PROSER2: variants seen among roughly 807,000 people sequenced by gnomAD.
PROSER2 encodes the protein proline and serine rich 2.
Under a neutral mutation model 14.6 loss-of-function variants are expected in PROSER2, and 18 were observed. That is an observed-to-expected ratio of 1.23 (90% CI 0.85 to 1.83). The LOEUF is 1.83. PROSER2 is among the 40% of genes most tolerant of loss of function. The pLI is 0.00. For missense variants in PROSER2, 823 were observed against 629.8 expected (o/e 1.31, Z -3.28); for synonymous variants, 367 against 286.4 (o/e 1.28, Z -2.84).
At chr10:11,835,479 T>A (rs1372318493) in intron 1 of PROSER2, among the ~76,000 whole-genome samples, 1 of 152,154 alleles carries the variant, frequency 6.6e-6, no homozygotes, top group Non-Finnish European at 1.5e-5. Flanking sequence ...GTCTAAGGGA[T>A]TGTTTTTGTT....
At chr10:11,833,954 G>A (rs1435044330) in intron 1 of PROSER2, among the ~76,000 whole-genome samples, 1 of 150,564 alleles carries the variant, frequency 6.6e-6, no homozygotes, top group Non-Finnish European at 1.5e-5. Flanking sequence ...GGGAGGCAGT[G>A]GGAAGGGGTT....
intron 2 of PROSER2, among the ~76,000 whole-genome samples, chr10:11,863,218 C>G (rs1172476982): frequency 6.6e-6 from 1 of 152,076 alleles, no homozygotes. Flanking sequence ...GTGTACTATG[C>G]TTTCAACTAT....
intron 1 of PROSER2, among the ~76,000 whole-genome samples, chr10:11,828,249 G>A (rs966041519): frequency 1.3e-5 from 2 of 150,884 alleles, no homozygotes; most frequent in African/African-American, 4.9e-5. Context: ...GGATTCTGGG[G>A]GTATTTCAAA....
intron 2 of PROSER2, among the ~76,000 whole-genome samples, chr10:11,859,484 T>C (rs940689582): frequency 6.6e-5 from 10 of 152,144 alleles, no homozygotes; most frequent in African/African-American, 1.4e-4. Context: ...CTGTCCGCCT[T>C]CTTCTACCTT....
rs1570695 is a variant in PROSER2, at chr10:11,856,503, G to A, written c.138+4288G>A. 6.6e-6 allele frequency among the ~76,000 whole-genome samples: 1 copy of A among 152,200 alleles called. No homozygotes were observed. The highest frequency in any genetic ancestry group is 2.4e-5 in the African/African-American group (1 of 41,454). ...GTTCTCAAGGAGTGGAGCTGGAACA[G>A]CATGGCTGCTTTTGTGAGGGTGGCT... On this transcript the variant is annotated intron_variant, in intron 2 of 3. Coordinates refer to ENST00000277570, the MANE Select transcript of PROSER2 (RefSeq NM_153256.4). This position sits in a 1 kb window ranked among gnomAD's most constrained non-coding sequence, Gnocchi z 5.3.
Position 11,837,004 on chromosome 10 carries a change from C to T in PROSER2, c.-82+13534C>T, listed in dbSNP as rs1171793274. The stretch of plus-strand genomic sequence containing the variant: ...TCCTGCATGCGAATCCTCCTTTGCC[C>T]GGAGTCCCCACCTGCCCATCACTTA... On this transcript the variant is annotated intron_variant, in intron 1 of 3. Transcript: ENST00000277570. The surrounding 1 kb of genome is among the most constrained non-coding windows in gnomAD (Gnocchi z 4.6). Among the ~76,000 whole-genome samples, 1 of 152,170 alleles carries T rather than the reference C, an allele frequency of 6.6e-6. No individual in the cohort carries two copies. Among genetic ancestry groups the T allele is most frequent in the East Asian group, 1.9e-4 (1 of 5,200 alleles).
At position 11,838,742 on chromosome 10, in the gene PROSER2, C is replaced by T. The variant is rs1425797610; in HGVS notation, c.-81-13255C>T. On this transcript the variant is annotated intron_variant, in intron 1 of 3. Transcript: ENST00000277570. This position sits in a 1 kb window ranked among gnomAD's most constrained non-coding sequence, Gnocchi z 4.4. ...TTTTAGCTTGCACTTTTTTTGTTCA[C>T]TAGTGAGGTTGAACATCTGTCTTGT... Among the ~76,000 whole-genome samples the T allele has an allele frequency of 6.6e-6, 1 of 152,180 alleles. No homozygotes were observed. The highest frequency in any genetic ancestry group is 1.9e-4 in the East Asian group (1 of 5,200).
chr10:11,861,732 T>C (rs551368427), intron 2 of PROSER2, among the ~76,000 whole-genome samples: 2 of 152,170 alleles, frequency 1.3e-5, no homozygotes, highest in East Asian at 1.9e-4. Flanking sequence ...CTTGGTAGAG[T>C]TGAGAAGCTG....
chr10:11,829,910 C>G (rs1833668865), intron 1 of PROSER2, among the ~76,000 whole-genome samples: 2 of 120,048 alleles, frequency 1.7e-5, no homozygotes, highest in African/African-American at 6.3e-5. Flanking sequence ...GTGGCAAGAT[C>G]TTGGCTCACC....
rs192132189 is a variant in PROSER2 at position 11,869,376 on chromosome 10, G to A, written c.392-114G>A. 38 of 726,388 alleles carry A rather than the reference G, an allele frequency of 5.2e-5. No homozygotes were observed. Among genetic ancestry groups the A allele is most frequent in the African/African-American group, 1.2e-4 (7 of 57,050 alleles). The allele number at this position is 726,388 out of a possible 1,614,324, so 45.0% of individuals were successfully genotyped here. On this transcript the variant is annotated intron_variant, in intron 3 of 3. Coordinates refer to ENST00000277570, the MANE Select transcript of PROSER2 (RefSeq NM_153256.4). The surrounding 1 kb of genome is among the most constrained non-coding windows in gnomAD (Gnocchi z 4.4). ...GAGGAGTTGACTCACAGGCAGCACC[G>A]GCGAAGTTGGTGTCAGGTCCAGGTT... is the stretch of plus-strand genomic sequence containing the variant.
intron 1 of PROSER2, among the ~76,000 whole-genome samples, chr10:11,831,117 A>T (rs7097549): frequency 0.2 from 31,113 of 152,214 alleles, 3,300 homozygotes; most frequent in Middle Eastern, 0.27. Context: ...CACGGCTGCC[A>T]GTCTAACCAG....
At chr10:11,832,301 A>AT (rs1833699491) in intron 1 of PROSER2, among the ~76,000 whole-genome samples, 1 of 152,184 alleles carries the variant, frequency 6.6e-6, no homozygotes, top group African/African-American at 2.4e-5. Context: ...CTTAGGGAGA[A>AT]TTTTTGGAAG....
rs888834549 is a variant in PROSER2, at chr10:11,866,412, C to T, written c.139-119C>T. 2.1e-4 allele frequency: 255 copies of T among 1,219,446 alleles called. No individual in the cohort carries two copies. The African/African-American group carries it at 2.5e-3, about 12-fold the overall frequency. 75.5% of individuals were successfully genotyped at this position (1,219,446 alleles called of 1,614,324 possible). On this transcript the variant is annotated intron_variant, in intron 2 of 3. Transcript: ENST00000277570. The surrounding 1 kb of genome is among the most constrained non-coding windows in gnomAD (Gnocchi z 6.0). ...CAGGCACTGTGTGGCAGGGTACTCT[C>T]GGGACACAGTGAGTTCCGCCCTGGG...
intron 1 of PROSER2, chr10:11,851,119 G>A (rs1346970879): frequency 3.3e-5 from 5 of 152,462 alleles, no homozygotes; most frequent in African/African-American, 1.2e-4. Flanking sequence ...AGGAGGCTGA[G>A]GTGGGAGGAC....
rs550013885 is a variant in PROSER2 at position 11,838,908 on chromosome 10, C to T, written c.-81-13089C>T. 8.0e-4 allele frequency among the ~76,000 whole-genome samples: 121 copies of T among 152,158 alleles called. 1 individual carries two copies. Among genetic ancestry groups the T allele is most frequent in the Non-Finnish European group, 1.1e-3 (74 of 68,028 alleles). ...TTCCTTATACGTATTAGACATAGTA[C>T]ATATCTTCTATGAGCTGGCAGCTTT... On this transcript the variant is annotated intron_variant, in intron 1 of 3. Coordinates refer to ENST00000277570, the MANE Select transcript of PROSER2 (RefSeq NM_153256.4). The surrounding 1 kb of genome is among the most constrained non-coding windows in gnomAD (Gnocchi z 4.4).
intron 1 of PROSER2, among the ~76,000 whole-genome samples, chr10:11,829,756 C>G (rs1833666126): frequency 6.6e-6 from 1 of 151,264 alleles, no homozygotes; most frequent in South Asian, 2.1e-4. Flanking sequence ...CCAGCAGTAT[C>G]ACTTTAAGAA....
intron 3 of PROSER2, among the ~76,000 whole-genome samples, chr10:11,868,780 A>G (rs2131097234): frequency 6.6e-6 from 1 of 152,274 alleles, no homozygotes; most frequent in African/African-American, 2.4e-5. Context: ...CCTCCAGAGT[A>G]GCTGGGACTA....
At chr10:11,854,335 T>C (rs533531830) in intron 2 of PROSER2, among the ~76,000 whole-genome samples, 3 of 152,214 alleles carry the variant, frequency 2.0e-5, no homozygotes, top group Non-Finnish European at 4.4e-5. Flanking sequence ...TAAGACAAGG[T>C]CTTGCTCTGT....
chr10:11,832,817 CT>C (rs59913374), intron 1 of PROSER2, among the ~76,000 whole-genome samples: 100,787 of 151,034 alleles, frequency 0.67, 33,973 homozygotes, highest in Non-Finnish European at 0.72. Flanking sequence ...TTAGGGTGCT[CT>C]TTTTTTTTTA....
Sources: allele counts gnomAD v4.1 joint callset (sites outside exome capture counted in the v4.1 genomes callset), GRCh38; gene constraint gnomAD v4.1.1; non-coding constraint Gnocchi (gnomAD v3.1); transcripts MANE v1.5; gene names NCBI Gene and HGNC (gene_info 2026-07-23, HGNC 2026-07-21).